The following PRKG1 variants were observed in gnomAD, a reference collection of about 807,000 sequenced individuals.
PRKG1 encodes the protein protein kinase cGMP-dependent 1, also known as cGMP-dependent protein kinase 1.
Under a neutral mutation model 88.1 loss-of-function variants are expected in PRKG1, and 35 were observed. The ratio of observed to expected loss-of-function variants is 0.40; its 90% confidence interval spans 0.30 to 0.53. The LOEUF (loss-of-function observed/expected upper bound fraction) is 0.53, where lower values mean the gene tolerates loss of function less well. Among genes scored for constraint, PRKG1 ranks in the 20% least tolerant of loss-of-function variants. The pLI, the probability that PRKG1 is intolerant of heterozygous loss-of-function variation, is 0.59. For synonymous variants in PRKG1, 303 were observed against 292.5 expected (o/e 1.04, Z -0.37); for missense variants, 540 against 839.8 (o/e 0.64, Z 4.41).
intron 1 of PRKG1, among the ~76,000 whole-genome samples, chr10:51,101,929 C>G (rs954219121): frequency 6.6e-6 from 1 of 152,184 alleles, no homozygotes; most frequent in South Asian, 2.1e-4. Flanking sequence ...CCTCAGATCC[C>G]CTCCCTGGCT....
At chr10:51,819,469 A>T (rs1267201232) in intron 4 of PRKG1, among the ~76,000 whole-genome samples, 1 of 152,120 alleles carries the variant, frequency 6.6e-6, no homozygotes, top group Non-Finnish European at 1.5e-5. Flanking sequence ...AAACTTCATT[A>T]TGTCCATGTT....
chr10:51,191,446 G>T (rs925474622), intron 2 of PRKG1, among the ~76,000 whole-genome samples: 1 of 151,850 alleles, frequency 6.6e-6, no homozygotes, highest in South Asian at 2.1e-4. Context: ...AATAATTGGA[G>T]CAGTGTCTGG....
chr10:52,222,758 A>G (rs1253323138), intron 9 of PRKG1, among the ~76,000 whole-genome samples: 1 of 152,194 alleles, frequency 6.6e-6, no homozygotes, highest in Non-Finnish European at 1.5e-5. Context: ...AATGCCTACC[A>G]CATATTATGC....
intron 2 of PRKG1, among the ~76,000 whole-genome samples, chr10:51,344,620 TACTC>T (rs1261682337): frequency 6.6e-6 from 1 of 152,194 alleles, no homozygotes; most frequent in East Asian, 1.9e-4. Flanking sequence ...GATGATGTCT[TACTC>T]AGAAGAGAGA....
chr10:50,990,947 C>T (rs1842773367), exon 1 of PRKG1: 1 of 154,230 alleles, frequency 6.5e-6, no homozygotes, highest in Non-Finnish European at 1.3e-5. Flanking sequence ...TGGGACCAGG[C>T]TCTCTGATCC....
At chr10:52,024,964 T>A (rs1171111471) in intron 5 of PRKG1, among the ~76,000 whole-genome samples, 1 of 152,230 alleles carries the variant, frequency 6.6e-6, no homozygotes, top group African/African-American at 2.4e-5. Context: ...AAAGCATTCC[T>A]ATTTCTCCAC....
chr10:51,112,269 T>C (rs1230754937), intron 1 of PRKG1, among the ~76,000 whole-genome samples: 1 of 152,102 alleles, frequency 6.6e-6, no homozygotes, highest in African/African-American at 2.4e-5. Flanking sequence ...CCTTGACTAC[T>C]GTAAACCAAA....
At chr10:51,053,016 G>C (rs1843583841) in intron 1 of PRKG1, among the ~76,000 whole-genome samples, 2 of 151,996 alleles carry the variant, frequency 1.3e-5, no homozygotes. Flanking sequence ...GATCACCAGG[G>C]GACAGGATTT....
chr10:51,258,734 T>G (rs1305467776), intron 2 of PRKG1, among the ~76,000 whole-genome samples: 1 of 152,240 alleles, frequency 6.6e-6, no homozygotes, highest in African/African-American at 2.4e-5. Flanking sequence ...TAGTAAGTGC[T>G]CAACAAATAT....
At chr10:52,292,610 C>G (rs1200581788) in intron 17 of PRKG1, among the ~76,000 whole-genome samples, 1 of 151,968 alleles carries the variant, frequency 6.6e-6, no homozygotes, top group African/African-American at 2.4e-5. Context: ...CTGTTCTGTT[C>G]CATTGATCTA....
intron 3 of PRKG1, among the ~76,000 whole-genome samples, chr10:51,584,021 C>T (rs1589106494): frequency 6.6e-6 from 1 of 152,154 alleles, no homozygotes; most frequent in East Asian, 1.9e-4. Context: ...ACTTATAGCA[C>T]TTAATCAGAC....
rs67349420 is a variant in PRKG1, at chr10:52,193,563, C to CAA, written c.1076+31611_1076+31612dup. Among the ~76,000 whole-genome samples, 766 of 118,298 alleles carry CAA rather than the reference C, an allele frequency of 6.5e-3. 29 individuals carry two copies. The highest frequency in any genetic ancestry group is 0.015 in the Middle Eastern group (3 of 194). The allele number at this position is 118,298 out of a possible 152,430, so 77.6% of individuals were successfully genotyped here. On this transcript the variant is annotated intron_variant, in intron 9 of 17. Coordinates refer to ENST00000373980, the MANE Select transcript of PRKG1 (RefSeq NM_006258.4). Reference sequence around the variant, plus strand: ...GACTCTGTCTCAAAAAAAAAAAAAACAAAAAAAAAAAACAAAAAAAAAACT... The same window carrying CAA: ...GACTCTGTCTCAAAAAAAAAAAAAACAAAAAAAAAAAAAACAAAAAAAAAACT...
intron 2 of PRKG1, among the ~76,000 whole-genome samples, chr10:51,246,465 A>T (rs1457903560): frequency 1.3e-5 from 2 of 151,826 alleles, no homozygotes; most frequent in African/African-American, 4.8e-5. Context: ...TTTTTCACAT[A>T]TTGTCTGTGA....
chr10:51,065,163 G>A (rs1843734706), intron 1 of PRKG1, among the ~76,000 whole-genome samples: 1 of 152,016 alleles, frequency 6.6e-6, no homozygotes, highest in African/African-American at 2.4e-5. Flanking sequence ...TAGTAAAGAA[G>A]GCCAACTCCA....
At chr10:51,645,902 CAGTTT>C (rs1184986658) in intron 3 of PRKG1, among the ~76,000 whole-genome samples, 1 of 152,108 alleles carries the variant, frequency 6.6e-6, no homozygotes, top group African/African-American at 2.4e-5. Context: ...GCAAGTTATT[CAGTTT>C]ATTTAGAAAA....
At chr10:51,469,537 A>G (rs1394042811) in intron 3 of PRKG1, among the ~76,000 whole-genome samples, 1 of 151,886 alleles carries the variant, frequency 6.6e-6, no homozygotes, top group South Asian at 2.1e-4. Context: ...CAGTTTTCTT[A>G]TTAGAGTTCT....
intron 2 of PRKG1, among the ~76,000 whole-genome samples, chr10:51,372,050 G>A (rs1303409533): frequency 3.3e-5 from 5 of 152,006 alleles, no homozygotes; most frequent in Admixed American, 6.6e-5. Flanking sequence ...TTTTCTATAC[G>A]TTTGAAGTGC....
intron 5 of PRKG1, among the ~76,000 whole-genome samples, chr10:52,016,412 G>GC (rs1043573584): frequency 6.6e-6 from 1 of 152,128 alleles, no homozygotes; most frequent in Non-Finnish European, 1.5e-5. Flanking sequence ...TAGGGAAACT[G>GC]CCCCCATGAT....
Position 52,154,834 on chromosome 10 carries a change from T to C in PRKG1, c.1002-7055T>C, listed in dbSNP as rs530175008. Among the ~76,000 whole-genome samples, 104 of 152,252 alleles carry C rather than the reference T, an allele frequency of 6.8e-4. 1 individual carries two copies. The highest frequency in any genetic ancestry group is 2.4e-3 in the African/African-American group (101 of 41,558). Reference sequence around the variant, plus strand: ...CCCTGAGTCCCCAAAGTGCCTTATGTCATTCTTATGCCTTTGCATTCTCAT... The same window carrying C: ...CCCTGAGTCCCCAAAGTGCCTTATGCCATTCTTATGCCTTTGCATTCTCAT... On this transcript the variant is annotated intron_variant, in intron 8 of 17. Coordinates refer to ENST00000373980, the MANE Select transcript of PRKG1 (RefSeq NM_006258.4).
Sources: gnomAD v4.1 joint callset for allele counts (sites outside exome capture counted in the v4.1 genomes callset) on GRCh38, gnomAD v4.1.1 for gene constraint, MANE v1.5 for transcripts, NCBI Gene and HGNC (gene_info 2026-07-23, HGNC 2026-07-21) for gene names.